Variants in PIK3C2B observed in about 807,000 individuals in gnomAD.
PIK3C2B encodes phosphatidylinositol 4-phosphate 3-kinase C2 domain-containing subunit beta.
A neutral mutation model predicts 184.3 loss-of-function variants in PIK3C2B; 83 were observed. The ratio of observed to expected loss-of-function variants is 0.45; its 90% CI spans 0.38 to 0.54. The LOEUF (loss-of-function observed/expected upper bound fraction) is 0.54. PIK3C2B is among the 20% of genes least tolerant of loss of function. PIK3C2B has a pLI of 0.00. For synonymous variants in PIK3C2B, 779 were observed against 837.6 expected (o/e 0.93, Z 1.21); for missense variants, 1,736 against 2,113.5 (o/e 0.82, Z 3.50).
At chr1:204,431,306 C>T in intron 28 of PIK3C2B, 1 of 276,142 alleles carries the variant, frequency 3.6e-6, no homozygotes, top group Non-Finnish European at 7.1e-6. Flanking sequence ...ACGTTGTTAC[C>T]CGTGTCGAAA....
At chr1:204,431,466 T>C (rs577123705) in intron 28 of PIK3C2B, 2 of 616,590 alleles carry the variant, frequency 3.2e-6, no homozygotes, top group Admixed American at 5.6e-5. Flanking sequence ...CCAGTGGGCC[T>C]GGAGTGAGAG....
At chr1:204,464,933 C>T (rs1242310216) in intron 3 of PIK3C2B, among the ~76,000 whole-genome samples, 2 of 152,126 alleles carry the variant, frequency 1.3e-5, no homozygotes, top group East Asian at 3.8e-4. Flanking sequence ...ACTCTTATCG[C>T]CAGCTGGGGT....
intron 5 of PIK3C2B, among the ~76,000 whole-genome samples, chr1:204,461,608 G>T (rs1042429507): frequency 1.3e-5 from 2 of 152,184 alleles, no homozygotes; most frequent in African/African-American, 2.4e-5. Context: ...GCCCAGGGTC[G>T]TCTAGGTCCC....
intron 1 of PIK3C2B, among the ~76,000 whole-genome samples, chr1:204,479,584 G>C (rs773553737): frequency 1.1e-4 from 16 of 152,238 alleles, no homozygotes; most frequent in Admixed American, 2.0e-4. Flanking sequence ...AAGGTCCTCT[G>C]AAAGAGGACA....
At chr1:204,444,497 C>T (rs978035157) in intron 16 of PIK3C2B, 73 bp from the exon 17 acceptor site, 4 of 1,066,268 alleles carry the variant, frequency 3.8e-6, no homozygotes, top group African/African-American at 1.6e-5. Context: ...AGCACCCTCA[C>T]ACCTGGGCTT....
chr1:204,466,962 G>A (rs774692466), intron 2 of PIK3C2B: 16 of 529,576 alleles, frequency 3.0e-5, no homozygotes, highest in Admixed American at 9.8e-5. Context: ...GGTATAGGCC[G>A]AGGGCCCAAG....
rs150756066 is a variant in PIK3C2B, at chr1:204,453,479, G to A, written c.2066+1190C>T. On this transcript the variant is annotated intron_variant, in intron 12 of 32. Transcript: ENST00000684373. ...CTCGACGCCATAACTGCCTCTGAGT[G>A]AAACCAATGTCCCCATTTCTCAGTT... Among the ~76,000 whole-genome samples, 292 of 152,314 alleles carry A rather than the reference G, an allele frequency of 1.9e-3. 2 individuals carry two copies. Among genetic ancestry groups the A allele is most frequent in the African/African-American group, 6.9e-3 (286 of 41,554 alleles).
chr1:204,457,239 G>A (rs1181691875), intron 9 of PIK3C2B, among the ~76,000 whole-genome samples, 169 bp from the exon 10 acceptor site: 1 of 152,210 alleles, frequency 6.6e-6, no homozygotes, highest in African/African-American at 2.4e-5. Context: ...AGATCTGTAT[G>A]ATGGACAGAG....
rs1381887182 is a variant in PIK3C2B at position 204,469,391 on chromosome 1, C to T, written c.412G>A (p.Val138Ile). The change falls in exon 2 of 33, where the codon GTC (valine) becomes ATC (isoleucine). Residue 138 changes from valine to isoleucine, a missense_variant. By Grantham distance (29) the Val-to-Ile change is conservative (BLOSUM62 3). Coordinates refer to ENST00000684373, the MANE Select transcript of PIK3C2B (RefSeq NM_001377334.1). ...LYIFDGSDGG[V>I]SSSPGPGDIE... ...TCCCCTGGTCCTGGGGACGAAGAGA[C>T]TCCCCCATCTGAACCATCAAAAATG... The T allele has an allele frequency of 6.5e-6, 10 of 1,535,656 alleles. No individual in the cohort carries two copies. Among genetic ancestry groups the T allele is most frequent in the Non-Finnish European group, 8.7e-6 (10 of 1,145,782 alleles).
At chr1:204,437,765 T>G (rs1675431048) in intron 23 of PIK3C2B, among the ~76,000 whole-genome samples, 1 of 152,164 alleles carries the variant, frequency 6.6e-6, no homozygotes, top group Non-Finnish European at 1.5e-5. Flanking sequence ...CATTGACTGA[T>G]AGCAAACACA....
At position 204,424,146 on chromosome 1, in the gene PIK3C2B, C is replaced by A; in HGVS notation, c.*706G>T. 6.4e-6 allele frequency: 1 copy of A among 155,588 alleles called. No homozygotes were observed. The highest frequency in any genetic ancestry group is 1.4e-5 in the Non-Finnish European group (1 of 69,948). The allele number at this position is 155,588 out of a possible 1,614,324, so 9.6% of individuals were successfully genotyped here. A position where few individuals can be genotyped will look rare whatever the true frequency, so the allele number is the denominator to read the frequency against. ...CCAATACGGAAGGCCCTTCCTTACA[C>A]ATGTAGGTATCACAGCGCTCTCCTT... is the stretch of plus-strand genomic sequence containing the variant. On this transcript the variant is annotated 3_prime_UTR_variant, in exon 33 of 33. Transcript: ENST00000684373.
Position 204,444,169 on chromosome 1 carries a change from C to T in PIK3C2B, c.2773-7G>A, listed in dbSNP as rs2292459. ...AGCATTCATACTTCAGGGCCTGTTT[C>T]GGAGAAAGGGAGAAAGAGAATATGA... On this transcript the variant is annotated splice_region_variant and splice_polypyrimidine_tract_variant and intron_variant, in intron 17 of 32. Transcript: ENST00000684373. 1,243,076 of 1,602,572 alleles carry T rather than the reference C, an allele frequency of 0.78. 489,087 individuals are homozygous for T. Among genetic ancestry groups the T allele is most frequent in the Non-Finnish European group, 0.81 (952,463 of 1,169,900 alleles).
intron 20 of PIK3C2B, 62 bp downstream of exon 20, chr1:204,442,464 T>C: frequency 9.2e-7 from 1 of 1,089,920 alleles, no homozygotes; most frequent in South Asian, 1.3e-5. Flanking sequence ...GCCTGGTTAG[T>C]GAAGACCTCA....
chr1:204,483,519 C>T (rs989175214), intron 1 of PIK3C2B, among the ~76,000 whole-genome samples: 5 of 152,072 alleles, frequency 3.3e-5, no homozygotes, highest in Admixed American at 1.3e-4. Flanking sequence ...GTGGCCCTGT[C>T]GCCTGGGGAA....
At chr1:204,446,477 G>A (rs149421022) in intron 15 of PIK3C2B, among the ~76,000 whole-genome samples, 5 of 152,332 alleles carry the variant, frequency 3.3e-5, no homozygotes, top group Non-Finnish European at 7.3e-5. Context: ...GGGACATCTT[G>A]GATGGAGAAT....
intron 9 of PIK3C2B, 128 bp from the exon 10 acceptor site, chr1:204,457,198 C>A: frequency 1.4e-6 from 1 of 725,358 alleles, no homozygotes; most frequent in Middle Eastern, 2.4e-4. Flanking sequence ...AGCTGAGAAT[C>A]CCCAGAGAGG....
At chr1:204,473,420 T>G (rs1488695185) in intron 1 of PIK3C2B, among the ~76,000 whole-genome samples, 8 of 152,174 alleles carry the variant, frequency 5.3e-5, no homozygotes, top group Admixed American at 4.6e-4. Flanking sequence ...TATGAGGGAG[T>G]CTTGCTATTT....
chr1:204,461,079 C>A (rs957635838), intron 5 of PIK3C2B, among the ~76,000 whole-genome samples: 4 of 152,120 alleles, frequency 2.6e-5, no homozygotes, highest in African/African-American at 9.7e-5. Flanking sequence ...TGTGCTCAGG[C>A]TCCAGGGTGG....
chr1:204,459,464 C>T (rs949484429), intron 8 of PIK3C2B, among the ~76,000 whole-genome samples: 9 of 152,228 alleles, frequency 5.9e-5, no homozygotes, highest in African/African-American at 2.2e-4. Flanking sequence ...AAACCTTCTA[C>T]CTCCTGATGG....
Sources: gnomAD v4.1 joint callset for allele counts (sites outside exome capture counted in the v4.1 genomes callset) on GRCh38, gnomAD v4.1.1 for gene constraint, MANE v1.5 for transcripts, NCBI Gene and HGNC (gene_info 2026-07-23, HGNC 2026-07-21) for gene names.